RALGAPA1: variants seen among roughly 807,000 people sequenced by gnomAD.
RALGAPA1 encodes the protein ral GTPase-activating protein subunit alpha-1.
A neutral mutation model predicts 269.6 loss-of-function variants in RALGAPA1; 52 were observed. That is an observed-to-expected ratio of 0.19 (90% CI 0.15 to 0.24). RALGAPA1 has a LOEUF of 0.24. Among genes scored for constraint, RALGAPA1 ranks in the 10% least tolerant of loss-of-function variants. RALGAPA1 has a pLI of 1.00. For missense variants in RALGAPA1, 1,917 were observed against 3,013.9 expected, an observed-to-expected ratio of 0.64 and a Z score of 8.52; for synonymous variants, 817 against 1,008.3, an observed-to-expected ratio of 0.81 and a Z score of 3.60.
At chr14:35,698,777 G>A (rs901114891) in intron 17 of RALGAPA1, among the ~76,000 whole-genome samples, 1 of 152,066 alleles carries the variant, frequency 6.6e-6, no homozygotes, top group Non-Finnish European at 1.5e-5. Flanking sequence ...AACATTGTTT[G>A]CCAACTTAAG....
At chr14:35,603,390 A>T (rs2059408547) in intron 36 of RALGAPA1, among the ~76,000 whole-genome samples, 1 of 152,166 alleles carries the variant, frequency 6.6e-6, no homozygotes, top group Non-Finnish European at 1.5e-5. Flanking sequence ...TTGGGTAAAA[A>T]AGTATACTAC....
chr14:35,763,611 T>C (rs952940708), intron 4 of RALGAPA1, among the ~76,000 whole-genome samples: 1 of 152,150 alleles, frequency 6.6e-6, no homozygotes, highest in Non-Finnish European at 1.5e-5. Context: ...AGTTAATACA[T>C]TTTAAGAGGT....
intron 35 of RALGAPA1, among the ~76,000 whole-genome samples, chr14:35,625,150 CAAAAAAA>C (rs35013388): frequency 3.3e-5 from 2 of 59,928 alleles, no homozygotes; most frequent in African/African-American, 5.7e-5. Flanking sequence ...GACTCTGTCT[CAAAAAAA>C]AAAAAAAAAA....
intron 33 of RALGAPA1, among the ~76,000 whole-genome samples, chr14:35,631,112 C>T (rs1454939514): frequency 1.3e-5 from 2 of 151,936 alleles, no homozygotes; most frequent in East Asian, 3.9e-4. Flanking sequence ...CTAATTATAA[C>T]CTAGAATATA....
chr14:35,714,560 C>T (rs180961832), intron 16 of RALGAPA1, among the ~76,000 whole-genome samples: 2 of 152,282 alleles, frequency 1.3e-5, no homozygotes, highest in African/African-American at 2.4e-5. Flanking sequence ...TAAGGATTTG[C>T]GAATATTTAT....
Position 35,664,720 on chromosome 14 carries a change from A to G in RALGAPA1, c.5250T>C (p.Phe1750=). Residue 1750 remains phenylalanine, a synonymous_variant, in exon 27 of 42, where the codon TTT becomes TTC. Coordinates refer to ENST00000680220, the MANE Select transcript of RALGAPA1 (RefSeq NM_001346249.2). ...AAGGCAGTTCACAATATAAGTTGGGAAAGCAAACCAAAGATCCCAGAAGAA... is the reference window on the plus strand; with the variant it reads ...AAGGCAGTTCACAATATAAGTTGGGGAAGCAAACCAAAGATCCCAGAAGAA... The part of the protein sequence containing the change: ...AQVLLGSLVC[F]PNLYCELPSL... The G allele has an allele frequency of 1.2e-6, 2 of 1,612,972 alleles. No individual in the cohort carries two copies. The highest frequency in any genetic ancestry group is 1.7e-6 in the Non-Finnish European group (2 of 1,179,568).
chr14:35,804,395 C>G (rs1293168244), intron 1 of RALGAPA1, among the ~76,000 whole-genome samples: 1 of 151,372 alleles, frequency 6.6e-6, no homozygotes, highest in Non-Finnish European at 1.5e-5. Flanking sequence ...ATGGTGAAAC[C>G]CTGTCTCTAC....
At position 35,685,061 on chromosome 14, in the gene RALGAPA1, G is replaced by A. The variant is rs771666236; in HGVS notation, c.4162C>T (p.Arg1388Cys). The A allele has an allele frequency of 1.4e-5, 23 of 1,598,664 alleles. No homozygotes were observed. Among genetic ancestry groups the A allele is most frequent in the African/African-American group, 2.7e-5 (2 of 74,632 alleles). The change falls in exon 20 of 42, where the codon CGC (arginine) becomes TGC (cysteine). Residue 1388 changes from arginine (R) to cysteine (C), a missense_variant. Arg to Cys is a radical substitution (Grantham distance 180). This residue lies in a region of RALGAPA1 where 615 missense variants were observed against 790.0 expected (regional missense o/e 0.78). Coordinates refer to ENST00000680220, the MANE Select transcript of RALGAPA1 (RefSeq NM_001346249.2). ...GGCACACCTGGGTCATCAATAGGGC[G>A]CATCTGGTTCTGCTTGTTTAGAATA... Reference protein sequence around the residue: ...PDILNKQNQMRPIDDPGVPSE... With the variant: ...PDILNKQNQMCPIDDPGVPSE...
At chr14:35,600,525 C>T (rs1484254074) in intron 36 of RALGAPA1, among the ~76,000 whole-genome samples, 1 of 152,076 alleles carries the variant, frequency 6.6e-6, no homozygotes, top group Non-Finnish European at 1.5e-5. Context: ...GCCACCATGC[C>T]CAGCCTAAGT....
At position 35,756,797 on chromosome 14, in the gene RALGAPA1, A is replaced by G. The variant is rs2073213554; in HGVS notation, c.659T>C (p.Ile220Thr). ...FLEALLKYIV[I>T]QVKSLEWKNK... ...ATCAAAGAAGATAACAAGTACCTGAATGACTATGTATTTTAGAAGTGCTTC... is the reference window on the plus strand; with the variant it reads ...ATCAAAGAAGATAACAAGTACCTGAGTGACTATGTATTTTAGAAGTGCTTC... Residue 220 changes from isoleucine to threonine, a missense_variant, in exon 7 of 42, where the codon ATT (isoleucine) becomes ACT (threonine). By Grantham distance (89) the Ile-to-Thr change is moderately conservative (BLOSUM62 -1). Around this residue, in one of 11 missense-constraint regions of RALGAPA1, gnomAD observed 462 missense variants for 725.6 expected, o/e 0.64. Coordinates refer to ENST00000680220, the MANE Select transcript of RALGAPA1 (RefSeq NM_001346249.2). 1 of 1,597,020 alleles carries G rather than the reference A, an allele frequency of 6.3e-7. No homozygotes were observed. The highest frequency in any genetic ancestry group is 8.6e-7 in the Non-Finnish European group (1 of 1,167,342).
chr14:35,776,198 C>G (rs1448371919), intron 1 of RALGAPA1, among the ~76,000 whole-genome samples: 4 of 151,934 alleles, frequency 2.6e-5, no homozygotes, highest in Non-Finnish European at 5.9e-5. Flanking sequence ...CTGGCCAACA[C>G]AGTGAAACCT....
intron 33 of RALGAPA1, 57 bp downstream of exon 33, chr14:35,634,517 A>C: frequency 7.0e-7 from 1 of 1,432,676 alleles, no homozygotes. Context: ...CATGGCCTCA[A>C]GTTATACCTT....
At chr14:35,753,683 G>T (rs1358861536) in intron 7 of RALGAPA1, among the ~76,000 whole-genome samples, 2 of 152,072 alleles carry the variant, frequency 1.3e-5, no homozygotes, top group Non-Finnish European at 2.9e-5. Context: ...CATAGGGGTG[G>T]GGATGAAAGG....
chr14:35,757,024 T>C, intron 6 of RALGAPA1, 116 bp from the exon 7 acceptor site: 2 of 707,826 alleles, frequency 2.8e-6, no homozygotes, highest in Non-Finnish European at 4.0e-6. Flanking sequence ...CTTGAAAACT[T>C]TCTAATGACT....
chr14:35,635,722 T>C (rs1366766096), intron 31 of RALGAPA1, 124 bp from the exon 32 acceptor site: 2 of 769,172 alleles, frequency 2.6e-6, no homozygotes, highest in Admixed American at 3.9e-5. Flanking sequence ...AGTTCCACTA[T>C]TAATATTTAC....
chr14:35,650,880 C>T (rs894830487), intron 31 of RALGAPA1, among the ~76,000 whole-genome samples: 1 of 150,698 alleles, frequency 6.6e-6, no homozygotes, highest in South Asian at 2.1e-4. Context: ...GAACTTTGTG[C>T]AATGATGAAA....
At chr14:35,621,625 G>A (rs1315255989) in intron 35 of RALGAPA1, among the ~76,000 whole-genome samples, 1 of 152,014 alleles carries the variant, frequency 6.6e-6, no homozygotes, top group Non-Finnish European at 1.5e-5. Context: ...CTGACAAAGG[G>A]CTAATACCCA....
intron 7 of RALGAPA1, among the ~76,000 whole-genome samples, chr14:35,754,494 A>G (rs2141287649): frequency 6.6e-6 from 1 of 152,326 alleles, no homozygotes; most frequent in Admixed American, 6.5e-5. Flanking sequence ...TGTTAGGGAA[A>G]TACAAATTAA....
chr14:35,654,564 C>T (rs2063050524), intron 29 of RALGAPA1, 87 bp from the exon 30 acceptor site: 4 of 1,409,814 alleles, frequency 2.8e-6, no homozygotes, highest in Admixed American at 5.9e-5. Context: ...ACATTTCATA[C>T]ATTTGTAGGA....
Sources: allele counts gnomAD v4.1 joint callset (sites outside exome capture counted in the v4.1 genomes callset), GRCh38; gene constraint gnomAD v4.1.1; regional missense constraint gnomAD v4.1.1; transcripts MANE v1.5; gene names NCBI Gene and HGNC (gene_info 2026-07-23, HGNC 2026-07-21).